CCDC144A: variants seen among roughly 807,000 people sequenced by gnomAD.
CCDC144A encodes the protein coiled-coil domain containing 144A, also known as coiled-coil domain-containing protein 144A.
CCDC144A carries 41 observed loss-of-function variants against 143.8 expected under a neutral mutation model. The observed-to-expected ratio is 0.29, with a 90% CI of 0.22 to 0.37. The LOEUF (loss-of-function observed/expected upper bound fraction) is 0.37. Among genes scored for constraint, CCDC144A ranks in the 10% least tolerant of loss-of-function variants. CCDC144A has a pLI of 1.00. For missense variants in CCDC144A, 637 were observed against 1,488.8 expected (o/e 0.43, Z 9.41); for synonymous variants, 242 against 517.9 (o/e 0.47, Z 7.23).
At chr17:16,769,613 A>G (rs369421486) in intron 15 of CCDC144A, among the ~76,000 whole-genome samples, 9 of 152,274 alleles carry the variant, frequency 5.9e-5, no homozygotes, top group African/African-American at 9.6e-5. Context: ...GCTTGGTTCA[A>G]CTAAAGATTT....
At chr17:16,746,521 T>C (rs1327243121) in intron 12 of CCDC144A, 1 of 1,613,654 alleles carries the variant, frequency 6.2e-7, no homozygotes, top group African/African-American at 1.3e-5. Flanking sequence ...CACAGTAGGT[T>C]TCTAAAAACT....
intron 14 of CCDC144A, among the ~76,000 whole-genome samples, chr17:16,762,948 AGAC>A (rs1179933271): frequency 1.4e-5 from 2 of 144,154 alleles, no homozygotes; most frequent in Non-Finnish European, 3.0e-5. Context: ...AATTTCTGGA[AGAC>A]GACAGCTGAA....
intron 8 of CCDC144A, among the ~76,000 whole-genome samples, chr17:16,724,932 TG>T (rs1913319420): frequency 6.9e-6 from 1 of 145,774 alleles, no homozygotes; most frequent in Non-Finnish European, 1.5e-5. Flanking sequence ...ATTACAGGCA[TG>T]AGCCACCGCG....
chr17:16,713,541 T>C (rs940852459), intron 6 of CCDC144A, among the ~76,000 whole-genome samples: 9 of 152,226 alleles, frequency 5.9e-5, no homozygotes, highest in Non-Finnish European at 1.0e-4. Context: ...GAGTATAAAA[T>C]ATTCTAGAAT....
At chr17:16,738,551 T>G (rs557557919) in intron 12 of CCDC144A, among the ~76,000 whole-genome samples, 1 of 151,762 alleles carries the variant, frequency 6.6e-6, no homozygotes, top group Non-Finnish European at 1.5e-5. Flanking sequence ...TGTGGTGGTC[T>G]TTTGTGACTG....
At chr17:16,690,944 G>C (rs935626828) in intron 1 of CCDC144A, among the ~76,000 whole-genome samples, 200 bp downstream of exon 1, 7 of 152,190 alleles carry the variant, frequency 4.6e-5, no homozygotes, top group Non-Finnish European at 1.0e-4. Flanking sequence ...TAAAAATATT[G>C]CACTTCCCAA....
chr17:16,681,530 A>G, the CCDC144A span, among the ~76,000 whole-genome samples: 1 of 152,098 alleles, frequency 6.6e-6, no homozygotes, highest in Non-Finnish European at 1.5e-5. Context: ...AATTCTAATG[A>G]GGGAGAAAAG....
chr17:16,737,367 C>T (rs1237104303), intron 12 of CCDC144A, among the ~76,000 whole-genome samples: 1 of 151,482 alleles, frequency 6.6e-6, no homozygotes, highest in Non-Finnish European at 1.5e-5. Flanking sequence ...GGGGTTTCAC[C>T]GTTTTAGCCG....
At chr17:16,751,479 G>T (rs1914788255) in intron 12 of CCDC144A, among the ~76,000 whole-genome samples, 1 of 152,222 alleles carries the variant, frequency 6.6e-6, no homozygotes, top group African/African-American at 2.4e-5. Flanking sequence ...AGTGCTCTGG[G>T]GAAGGGGGAA....
At chr17:16,773,295 C>T (rs1212001076) in intron 16 of CCDC144A, among the ~76,000 whole-genome samples, 1 of 151,874 alleles carries the variant, frequency 6.6e-6, no homozygotes, top group African/African-American at 2.4e-5. Flanking sequence ...ATAAAAAATA[C>T]AAAAGCTTGC....
chr17:16,674,897 T>G, the CCDC144A span, among the ~76,000 whole-genome samples: 1 of 152,300 alleles, frequency 6.6e-6, no homozygotes, highest in East Asian at 1.9e-4. Flanking sequence ...GCCAATGTAT[T>G]ACTTGGCAAG....
At chr17:16,714,356 T>C (rs1597549621) in intron 6 of CCDC144A, among the ~76,000 whole-genome samples, 1 of 152,326 alleles carries the variant, frequency 6.6e-6, no homozygotes, top group East Asian at 1.9e-4. Context: ...TCACGAACTG[T>C]TGGGTATCAC....
the CCDC144A span, among the ~76,000 whole-genome samples, chr17:16,679,283 G>T: frequency 2.0e-5 from 3 of 152,172 alleles, no homozygotes; most frequent in African/African-American, 7.2e-5. Flanking sequence ...ATATGGATAG[G>T]TAGGGGGTGT....
At position 16,775,112 on chromosome 17, in the gene CCDC144A, T is replaced by C. The variant is rs1469717486; in HGVS notation, c.*1479T>C. The stretch of plus-strand genomic sequence containing the variant: ...CACATTTTCTTTATCCAGTTTATCA[T>C]TGATGGGCTTTTAGGTTGATTCTTT... On this transcript the variant is annotated 3_prime_UTR_variant, in exon 17 of 17. Coordinates refer to ENST00000399273, the MANE Select transcript of CCDC144A (RefSeq NM_001382000.1). The C allele has an allele frequency of 3.3e-5, 5 of 152,222 alleles. No homozygotes were observed. Among genetic ancestry groups the C allele is most frequent in the Admixed American group, 6.5e-5 (1 of 15,288 alleles). The allele number at this position is 152,222 out of a possible 1,614,324, so 9.4% of individuals were successfully genotyped here.
At chr17:16,707,413 C>T in intron 3 of CCDC144A, 56 bp from the exon 4 acceptor site, 1 of 940,754 alleles carries the variant, frequency 1.1e-6, no homozygotes, top group Non-Finnish European at 1.6e-6. Flanking sequence ...TTTATAAAGA[C>T]TATGTCTTTT....
chr17:16,772,135 T>C (rs1170671487), intron 16 of CCDC144A, 116 bp downstream of exon 16: 1 of 632,860 alleles, frequency 1.6e-6, no homozygotes, highest in East Asian at 2.9e-5. Context: ...AAATATTCTT[T>C]CATATACATC....
upstream of CCDC144A, among the ~76,000 whole-genome samples, chr17:16,688,977 C>A (rs1033471979): frequency 2.0e-5 from 3 of 152,170 alleles, no homozygotes; most frequent in Non-Finnish European, 4.4e-5. Context: ...CAATACTCAT[C>A]TCAGTGATTG....
intron 15 of CCDC144A, among the ~76,000 whole-genome samples, chr17:16,767,869 T>C (rs574309522): frequency 6.6e-6 from 1 of 152,382 alleles, no homozygotes; most frequent in East Asian, 1.9e-4. Context: ...GTCTAGAGTC[T>C]GACTGTTCCC....
intron 6 of CCDC144A, among the ~76,000 whole-genome samples, chr17:16,715,321 A>G (rs1912683926): frequency 6.7e-6 from 1 of 149,542 alleles, no homozygotes; most frequent in South Asian, 2.1e-4. Context: ...AAAAAAAAAA[A>G]AAAAGAAAGA....
Sources: allele counts gnomAD v4.1 joint callset (sites outside exome capture counted in the v4.1 genomes callset), GRCh38; gene constraint gnomAD v4.1.1; transcripts MANE v1.5; gene names NCBI Gene and HGNC (gene_info 2026-07-23, HGNC 2026-07-21).